The following PCDH9 variants were observed in gnomAD, a reference collection of about 807,000 sequenced individuals.
PCDH9 encodes the protein protocadherin 9.
PCDH9 carries 24 observed loss-of-function variants against 70.6 expected under a neutral mutation model. The ratio of observed to expected loss-of-function variants is 0.34; its 90% confidence interval spans 0.25 to 0.48. The LOEUF is 0.48. PCDH9 is among the 20% of genes least tolerant of loss of function. The probability of loss-of-function intolerance (pLI) is 0.99; values close to 1 mark genes in which losing one functional copy is unlikely to be tolerated. For missense variants in PCDH9, 1,281 were observed against 1,503.6 expected, an observed-to-expected ratio of 0.85 and a Z score of 2.45; for synonymous variants, 562 against 558.5, an observed-to-expected ratio of 1.01 and a Z score of -0.09.
chr13:66,750,538 C>A (rs1407166133), intron 3 of PCDH9, among the ~76,000 whole-genome samples: 4 of 151,378 alleles, frequency 2.6e-5, no homozygotes, highest in Non-Finnish European at 5.9e-5. Context: ...CAATGCAAAG[C>A]CAATCTCTCA....
intron 3 of PCDH9, among the ~76,000 whole-genome samples, chr13:66,874,942 T>TGA (rs1555279830): frequency 0.035 from 3,895 of 109,922 alleles, 164 homozygotes; most frequent in African/African-American, 0.094. Flanking sequence ...TGTGTGTGTG[T>TGA]GAGAGAGAGA....
chr13:67,014,611 CCT>C (rs1421832431), intron 2 of PCDH9, among the ~76,000 whole-genome samples: 2 of 150,636 alleles, frequency 1.3e-5, no homozygotes, highest in Non-Finnish European at 3.0e-5. Flanking sequence ...AAAATTCTGC[CCT>C]GTCCCACACA....
chr13:67,009,857 G>A (rs1045186495), intron 2 of PCDH9, among the ~76,000 whole-genome samples: 1 of 151,754 alleles, frequency 6.6e-6, no homozygotes, highest in African/African-American at 2.4e-5. Context: ...ACAAAGACAT[G>A]CAACAGATCA....
intron 4 of PCDH9, among the ~76,000 whole-genome samples, chr13:66,350,078 C>T (rs188782561): frequency 1.1e-3 from 172 of 152,244 alleles, no homozygotes; most frequent in African/African-American, 4.0e-3. Flanking sequence ...TGGACACAAT[C>T]TCTATTCACA....
intron 3 of PCDH9, among the ~76,000 whole-genome samples, chr13:66,717,469 AAAAAAAAAAAAATATATATAT>A (rs1290885980): frequency 7.9e-5 from 3 of 37,870 alleles, no homozygotes; most frequent in African/African-American, 2.1e-4. Context: ...AAAAAAAAAA[AAAAAAAAAAAAATATATATAT>A]ATATATATAT....
At chr13:66,966,066 T>TA (rs992144942) in intron 2 of PCDH9, among the ~76,000 whole-genome samples, 1 of 152,068 alleles carries the variant, frequency 6.6e-6, no homozygotes, top group Non-Finnish European at 1.5e-5. Context: ...TGCCATATTT[T>TA]AAAAAAATAT....
At chr13:67,033,324 T>C (rs1199542333) in intron 2 of PCDH9, among the ~76,000 whole-genome samples, 5 of 151,948 alleles carry the variant, frequency 3.3e-5, no homozygotes, top group Non-Finnish European at 7.4e-5. Flanking sequence ...AAGGTAAAAA[T>C]GAAAGAGAAA....
Position 66,436,648 on chromosome 13 carries a change from A to G in PCDH9, c.3341-131620T>C, listed in dbSNP as rs536414459. 3.1e-4 allele frequency among the ~76,000 whole-genome samples: 47 copies of G among 152,320 alleles called. 1 individual carries two copies. The highest frequency in any genetic ancestry group is 1.1e-3 in the African/African-American group (44 of 41,574). On this transcript the variant is annotated intron_variant, in intron 4 of 4. Coordinates refer to ENST00000377865, the MANE Select transcript of PCDH9 (RefSeq NM_203487.3). ...TTACTTCTGAAGTGGTTTGTTCCAC[A>G]TAAGTTGACTTTGGAAACCTAGACT...
chr13:66,552,536 T>G (rs755402184), intron 4 of PCDH9, among the ~76,000 whole-genome samples: 1 of 152,150 alleles, frequency 6.6e-6, no homozygotes, highest in African/African-American at 2.4e-5. Flanking sequence ...CAGAGCCTGA[T>G]GCCTGTCTCA....
intron 3 of PCDH9, among the ~76,000 whole-genome samples, chr13:66,681,146 T>C (rs1191925106): frequency 6.6e-6 from 1 of 152,052 alleles, no homozygotes; most frequent in Non-Finnish European, 1.5e-5. Flanking sequence ...TGTAAAAACC[T>C]ATCACAATCA....
At chr13:66,353,659 A>T (rs1290481242) in intron 4 of PCDH9, among the ~76,000 whole-genome samples, 1 of 152,120 alleles carries the variant, frequency 6.6e-6, no homozygotes, top group African/African-American at 2.4e-5. Flanking sequence ...TGTCTCTTAA[A>T]CTACACTCAT....
At chr13:66,419,278 A>G (rs533721079) in intron 4 of PCDH9, among the ~76,000 whole-genome samples, 55 of 152,294 alleles carry the variant, frequency 3.6e-4, no homozygotes, top group African/African-American at 1.3e-3. Flanking sequence ...ATCCCTGATG[A>G]ACATCAATGT....
intron 3 of PCDH9, among the ~76,000 whole-genome samples, chr13:66,747,045 G>A (rs1593998381): frequency 6.6e-6 from 1 of 152,290 alleles, no homozygotes; most frequent in East Asian, 1.9e-4. Context: ...ATACGACTAA[G>A]TCTGTTAAAT....
At chr13:66,553,504 T>A (rs992999339) in intron 4 of PCDH9, among the ~76,000 whole-genome samples, 7 of 152,204 alleles carry the variant, frequency 4.6e-5, no homozygotes, top group African/African-American at 1.7e-4. Flanking sequence ...ACTTTCATTA[T>A]GGCACAAATG....
At chr13:67,224,902 T>C in intron 2 of PCDH9, 7 of 988,110 alleles carry the variant, frequency 7.1e-6, no homozygotes, top group Non-Finnish European at 8.4e-6. Context: ...CTGATGTACA[T>C]TTAATATTCT....
chr13:66,348,999 T>C (rs904016460), intron 4 of PCDH9, among the ~76,000 whole-genome samples: 1 of 152,146 alleles, frequency 6.6e-6, no homozygotes, highest in Admixed American at 6.6e-5. Context: ...ATGCCAAAAA[T>C]AGTCACCAGA....
chr13:66,305,708 A>G (rs1455386784), intron 4 of PCDH9, among the ~76,000 whole-genome samples: 2 of 152,250 alleles, frequency 1.3e-5, no homozygotes, highest in Admixed American at 1.3e-4. Context: ...AGAAGAAGCC[A>G]TTTGAATCCA....
At chr13:66,404,153 A>C (rs1415946865) in intron 4 of PCDH9, among the ~76,000 whole-genome samples, 1 of 152,196 alleles carries the variant, frequency 6.6e-6, no homozygotes, top group African/African-American at 2.4e-5. Flanking sequence ...CCTTGAAGTC[A>C]ATTTTATCTC....
intron 2 of PCDH9, chr13:66,990,970 T>C (rs2083990501): frequency 6.6e-6 from 1 of 151,980 alleles, no homozygotes; most frequent in Non-Finnish European, 1.5e-5. Flanking sequence ...GTTTCCTTAT[T>C]ATTGTTTAAT....
Sources: gnomAD v4.1 joint callset for allele counts (sites outside exome capture counted in the v4.1 genomes callset) on GRCh38, gnomAD v4.1.1 for gene constraint, MANE v1.5 for transcripts, NCBI Gene and HGNC (gene_info 2026-07-23, HGNC 2026-07-21) for gene names.